Variants in ADGRL3 observed in about 807,000 individuals in gnomAD.
ADGRL3 encodes adhesion G protein-coupled receptor L3.
In ADGRL3, 62 loss-of-function variants were observed where a neutral mutation model predicts 153.5. The ratio of observed to expected loss-of-function variants is 0.40; its 90% CI spans 0.33 to 0.50. The LOEUF (loss-of-function observed/expected upper bound fraction) is 0.50. ADGRL3 is among the 20% of genes least tolerant of loss of function. The pLI, the probability that ADGRL3 is intolerant of heterozygous loss-of-function variation, is 0.47. For synonymous variants in ADGRL3, 710 were observed against 672.5 expected (o/e 1.06, Z -0.86); for missense variants, 1,641 against 1,859.4 (o/e 0.88, Z 2.16).
At chr4:61,234,076 C>T (rs1250925620) in intron 1 of ADGRL3, among the ~76,000 whole-genome samples, 1 of 152,018 alleles carries the variant, frequency 6.6e-6, no homozygotes, top group Non-Finnish European at 1.5e-5. Context: ...TATAGACTTA[C>T]AGAGCTTAGA....
rs572808072 is a variant in ADGRL3, at chr4:61,966,739, A to G, written c.2806-12824A>G. Among the ~76,000 whole-genome samples the G allele has an allele frequency of 5.9e-5, 9 of 152,220 alleles. No homozygotes were observed. In the South Asian group the frequency reaches 1.7e-3, roughly 28 times the overall value. ...ATTGTATTCAAAGGATAGTCAAGAC[A>G]TTTTTACCCATGAAAGCATTGCTCT... is the stretch of plus-strand genomic sequence containing the variant. On this transcript the variant is annotated intron_variant, in intron 17 of 26. Coordinates refer to ENST00000683033, the MANE Select transcript of ADGRL3 (RefSeq NM_001387552.1).
At chr4:61,212,892 T>C (rs1265790656) in intron 1 of ADGRL3, among the ~76,000 whole-genome samples, 1 of 152,176 alleles carries the variant, frequency 6.6e-6, no homozygotes, top group Non-Finnish European at 1.5e-5. Flanking sequence ...CGAGTATTTC[T>C]TTTTCTGGTG....
intron 1 of ADGRL3, among the ~76,000 whole-genome samples, chr4:61,247,747 A>G (rs1757646067): frequency 6.6e-6 from 1 of 152,046 alleles, no homozygotes; most frequent in Non-Finnish European, 1.5e-5. Flanking sequence ...ATTTAGGTTT[A>G]TGAGAAATTG....
intron 2 of ADGRL3, among the ~76,000 whole-genome samples, chr4:61,384,051 G>A (rs2096706117): frequency 6.6e-6 from 1 of 151,662 alleles, no homozygotes; most frequent in South Asian, 2.1e-4. Flanking sequence ...TGACATAATT[G>A]ATATGTACTT....
chr4:61,353,600 A>ATTTTTTTTTTTTTTTTT (rs34199193), intron 1 of ADGRL3, among the ~76,000 whole-genome samples: 1 of 118,840 alleles, frequency 8.4e-6, no homozygotes, highest in Non-Finnish European at 1.6e-5. Flanking sequence ...TTTTCTTTCA[A>ATTTTTTTTTTTTTTTTT]TTTTTTTTTT....
intron 1 of ADGRL3, among the ~76,000 whole-genome samples, chr4:61,290,371 A>T (rs1189565379): frequency 1.3e-5 from 2 of 152,154 alleles, no homozygotes; most frequent in Non-Finnish European, 2.9e-5. Context: ...CTAATTTATT[A>T]CATTGTCATA....
intron 9 of ADGRL3, among the ~76,000 whole-genome samples, chr4:61,817,929 A>G (rs942796618): frequency 8.5e-5 from 13 of 152,130 alleles, no homozygotes; most frequent in African/African-American, 3.1e-4. Context: ...GAATTATGAG[A>G]GCTACAATGC....
intron 1 of ADGRL3, among the ~76,000 whole-genome samples, chr4:61,258,970 A>G (rs994037043): frequency 1.3e-5 from 2 of 152,146 alleles, no homozygotes; most frequent in African/African-American, 4.8e-5. Context: ...ACTTTCCTCT[A>G]TCTTTCCAAA....
intron 2 of ADGRL3, among the ~76,000 whole-genome samples, chr4:61,432,634 CTTTCTTTCTTTCTTTCTTTCTTT>C (rs2097379962): frequency 3.4e-4 from 11 of 32,576 alleles, no homozygotes; most frequent in Middle Eastern, 0.016. Context: ...TTCTTTCTTT[CTTTCTTTCTTTCTTTCTTTCTTT>C]TTTTTTTTTT....
At chr4:61,870,106 C>A (rs2098435452) in intron 9 of ADGRL3, among the ~76,000 whole-genome samples, 1 of 151,244 alleles carries the variant, frequency 6.6e-6, no homozygotes, top group Admixed American at 6.6e-5. Flanking sequence ...AGATTTAAAA[C>A]AGCACAGTTC....
chr4:61,885,994 C>T (rs2098536613), intron 9 of ADGRL3, among the ~76,000 whole-genome samples: 1 of 152,108 alleles, frequency 6.6e-6, no homozygotes, highest in Non-Finnish European at 1.5e-5. Context: ...AAAGCCACTA[C>T]AATTTTGTGT....
chr4:61,324,053 A>T (rs2095418239), intron 1 of ADGRL3, among the ~76,000 whole-genome samples: 1 of 152,148 alleles, frequency 6.6e-6, no homozygotes. Context: ...AGGCAAAGAG[A>T]GAGATTGTGC....
chr4:61,417,383 C>T (rs28590205), intron 2 of ADGRL3, among the ~76,000 whole-genome samples: 81,674 of 151,632 alleles, frequency 0.54, 24,255 homozygotes, highest in Admixed American at 0.7. Flanking sequence ...CTACTTGCAA[C>T]GCTGAGGTGG....
chr4:61,889,186 C>A (rs967989924), intron 9 of ADGRL3, among the ~76,000 whole-genome samples: 3 of 152,170 alleles, frequency 2.0e-5, no homozygotes, highest in Non-Finnish European at 4.4e-5. Flanking sequence ...TAGTGTATAA[C>A]CCAGTCTTGG....
chr4:61,369,648 A>G (rs1438875765), intron 1 of ADGRL3, among the ~76,000 whole-genome samples: 2 of 151,900 alleles, frequency 1.3e-5, no homozygotes, highest in Admixed American at 6.6e-5. Context: ...TTTATTGAGG[A>G]TTTTTGCATC....
At chr4:62,009,485 A>T (rs2099174143) in intron 21 of ADGRL3, among the ~76,000 whole-genome samples, 1 of 152,166 alleles carries the variant, frequency 6.6e-6, no homozygotes, top group African/African-American at 2.4e-5. Flanking sequence ...CATTAAATGT[A>T]CACTCATTGT....
chr4:61,912,835 A>T (rs1581430510), intron 13 of ADGRL3, 78 bp downstream of exon 13: 1 of 1,307,816 alleles, frequency 7.6e-7, no homozygotes, highest in Admixed American at 1.7e-5. Context: ...ACCTGATAGA[A>T]AAATGATAAT....
Position 61,370,318 on chromosome 4 carries a change from T to A in ADGRL3, c.-239-12806T>A, listed in dbSNP as rs531216293. Among the ~76,000 whole-genome samples the A allele has an allele frequency of 4.7e-3, 716 of 151,764 alleles. 9 individuals carry two copies. The highest frequency in any genetic ancestry group is 0.017 in the African/African-American group (687 of 41,264). ...GTTTTTCTAGTTCTTTTAATTGTGATGTTAGGGTGTCAATTTTGGATCTTT... is the reference window on the plus strand; with the variant it reads ...GTTTTTCTAGTTCTTTTAATTGTGAAGTTAGGGTGTCAATTTTGGATCTTT... On this transcript the variant is annotated intron_variant, in intron 1 of 26. Transcript: ENST00000683033.
At chr4:61,458,374 T>A (rs2097776286) in intron 2 of ADGRL3, among the ~76,000 whole-genome samples, 1 of 151,364 alleles carries the variant, frequency 6.6e-6, no homozygotes, top group African/African-American at 2.4e-5. Flanking sequence ...TAAAAAACAA[T>A]AATTTTTATT....
Sources: allele counts gnomAD v4.1 joint callset (sites outside exome capture counted in the v4.1 genomes callset), GRCh38; gene constraint gnomAD v4.1.1; transcripts MANE v1.5; gene names NCBI Gene and HGNC (gene_info 2026-07-23, HGNC 2026-07-21).